NCKAP5: variants seen among roughly 807,000 people sequenced by gnomAD.
The protein encoded by NCKAP5 is nck-associated protein 5.
NCKAP5 carries 92 observed loss-of-function variants against 167.0 expected under a neutral mutation model. That is an observed-to-expected ratio of 0.55 (90% CI 0.47 to 0.66). The LOEUF is 0.66. NCKAP5 is among the 30% of genes least tolerant of loss of function. The probability of loss-of-function intolerance (pLI) is 0.00; values close to 1 mark genes in which losing one functional copy is unlikely to be tolerated. For missense variants in NCKAP5, 2,378 were observed against 2,315.0 expected (o/e 1.03, Z -0.56); for synonymous variants, 891 against 877.4 (o/e 1.02, Z -0.27).
chr2:133,013,820 A>AAGT (rs2078244745), intron 6 of NCKAP5, among the ~76,000 whole-genome samples: 1 of 152,086 alleles, frequency 6.6e-6, no homozygotes, highest in Non-Finnish European at 1.5e-5. Flanking sequence ...TCTGTGTTGG[A>AAGT]AGTGTCTTCA....
chr2:133,253,780 G>A (rs939173192), intron 4 of NCKAP5, among the ~76,000 whole-genome samples: 1 of 152,184 alleles, frequency 6.6e-6, no homozygotes, highest in African/African-American at 2.4e-5. Context: ...ATGTAAAAGT[G>A]CTTTAAAATT....
chr2:133,494,124 G>A (rs1009098192), intron 3 of NCKAP5, among the ~76,000 whole-genome samples: 5 of 152,132 alleles, frequency 3.3e-5, no homozygotes, highest in African/African-American at 1.2e-4. Flanking sequence ...TCTGGAATTG[G>A]GAGTAAGAGG....
intron 11 of NCKAP5, among the ~76,000 whole-genome samples, chr2:132,836,433 T>A (rs1378215894): frequency 6.6e-6 from 1 of 152,080 alleles, no homozygotes; most frequent in Non-Finnish European, 1.5e-5. Context: ...TTTGTTATTG[T>A]TATTGGTGTT....
intron 3 of NCKAP5, among the ~76,000 whole-genome samples, chr2:133,404,828 C>A (rs1328545285): frequency 2.6e-5 from 4 of 152,192 alleles, no homozygotes; most frequent in Non-Finnish European, 5.9e-5. Context: ...CTGTCTTCCG[C>A]TCTTTAGCCA....
At position 132,870,824 on chromosome 2, in the gene NCKAP5, C is replaced by A. The variant is rs1690757797; in HGVS notation, c.649-1850G>T. On this transcript the variant is annotated intron_variant, in intron 9 of 19. Coordinates refer to ENST00000409261, the MANE Select transcript of NCKAP5 (RefSeq NM_207363.3). The stretch of plus-strand genomic sequence containing the variant: ...TACATCCTTCACAACAGCTGGCTAC[C>A]AGTAAGTCTCATAGAAAATTAAAAC... 3.3e-5 allele frequency among the ~76,000 whole-genome samples: 5 copies of A among 151,364 alleles called. No homozygotes were observed. The South Asian group carries it at 1.1e-3, about 32-fold the overall frequency.
chr2:133,494,423 A>G (rs1270844854), intron 3 of NCKAP5, among the ~76,000 whole-genome samples: 2 of 152,072 alleles, frequency 1.3e-5, no homozygotes, highest in African/African-American at 4.8e-5. Context: ...TCTTCCCTAA[A>G]CAAACAGAAG....
intron 4 of NCKAP5, among the ~76,000 whole-genome samples, chr2:133,242,509 T>C (rs2087765428): frequency 6.6e-6 from 1 of 152,174 alleles, no homozygotes; most frequent in South Asian, 2.1e-4. Flanking sequence ...CAGAACCAGA[T>C]CACCCTTCTT....
chr2:133,642,155 T>C, the NCKAP5 span, among the ~76,000 whole-genome samples: 1 of 152,138 alleles, frequency 6.6e-6, no homozygotes, highest in Admixed American at 6.6e-5. Context: ...AGCCAGATTC[T>C]TTTAAACAAC....
At chr2:132,911,931 T>C (rs1388415400) in intron 8 of NCKAP5, among the ~76,000 whole-genome samples, 1 of 152,178 alleles carries the variant, frequency 6.6e-6, no homozygotes, top group Admixed American at 6.5e-5. Context: ...AGTCGCTGCT[T>C]CTTGCTGGTG....
chr2:133,006,229 A>G (rs1408203912), intron 6 of NCKAP5, among the ~76,000 whole-genome samples: 11 of 152,216 alleles, frequency 7.2e-5, no homozygotes, highest in Non-Finnish European at 1.2e-4. Context: ...ACTGCACTCC[A>G]GCCCGGGTGA....
chr2:133,412,273 G>A (rs1217975030), intron 3 of NCKAP5, among the ~76,000 whole-genome samples: 1 of 152,178 alleles, frequency 6.6e-6, no homozygotes, highest in East Asian at 1.9e-4. Context: ...GCAGCCATCT[G>A]CAACCTCGAA....
intron 16 of NCKAP5, among the ~76,000 whole-genome samples, chr2:132,740,901 G>T (rs1679126783): frequency 6.6e-6 from 1 of 151,934 alleles, no homozygotes; most frequent in African/African-American, 2.4e-5. Context: ...TACAAATGAA[G>T]AAGTTATTTA....
chr2:133,217,349 C>T (rs2086475139), intron 4 of NCKAP5, among the ~76,000 whole-genome samples: 1 of 152,012 alleles, frequency 6.6e-6, no homozygotes, highest in Non-Finnish European at 1.5e-5. Flanking sequence ...TGCCAGAACA[C>T]CAGAAGCTAC....
Position 132,885,748 on chromosome 2 carries a change from G to T in NCKAP5, c.580-6832C>A, listed in dbSNP as rs1161652340. On this transcript the variant is annotated intron_variant, in intron 8 of 19. Transcript: ENST00000409261. ...GAACTTACGAATGATTGAAAAATCTGATGCTTCTAAAGCCACTGTCCTACA... is the reference window on the plus strand; with the variant it reads ...GAACTTACGAATGATTGAAAAATCTTATGCTTCTAAAGCCACTGTCCTACA... Among the ~76,000 whole-genome samples the T allele has an allele frequency of 2.0e-5, 3 of 152,172 alleles. No individual in the cohort carries two copies. The East Asian group carries it at 5.8e-4, about 29-fold the overall frequency.
At chr2:132,963,608 G>C in intron 8 of NCKAP5, 112 bp downstream of exon 8, 1 of 1,123,284 alleles carries the variant, frequency 8.9e-7, no homozygotes, top group Admixed American at 2.3e-5. Context: ...GATCATATTA[G>C]TCTGGGAGAA....
the NCKAP5 span, among the ~76,000 whole-genome samples, chr2:133,606,575 C>A: frequency 6.6e-6 from 1 of 152,090 alleles, no homozygotes; most frequent in Non-Finnish European, 1.5e-5. Flanking sequence ...CTAAAACAAT[C>A]GTTCTCAAAC....
chr2:132,828,356 G>C (rs149735436), intron 11 of NCKAP5, among the ~76,000 whole-genome samples: 1 of 152,082 alleles, frequency 6.6e-6, no homozygotes, highest in Non-Finnish European at 1.5e-5. Context: ...TGGATCAAGG[G>C]GGTGGATTTT....
chr2:132,703,746 T>A (rs1688095853), intron 19 of NCKAP5, among the ~76,000 whole-genome samples: 1 of 152,194 alleles, frequency 6.6e-6, no homozygotes, highest in Non-Finnish European at 1.5e-5. Context: ...TTTGTATAAG[T>A]ATTGTGATAG....
chr2:132,691,483 TC>T (rs1225828446), intron 19 of NCKAP5, among the ~76,000 whole-genome samples: 1 of 152,136 alleles, frequency 6.6e-6, no homozygotes, highest in African/African-American at 2.4e-5. Flanking sequence ...CACATACCCC[TC>T]CTTCAGGGCC....
Sources: allele counts gnomAD v4.1 joint callset (sites outside exome capture counted in the v4.1 genomes callset), GRCh38; gene constraint gnomAD v4.1.1; transcripts MANE v1.5; gene names NCBI Gene and HGNC (gene_info 2026-07-23, HGNC 2026-07-21).